The following DACH1 variants were observed in gnomAD, a reference collection of about 807,000 sequenced individuals.
The protein encoded by DACH1 is dachshund homolog 1.
DACH1 carries 12 observed loss-of-function variants against 54.2 expected under a neutral mutation model. The observed-to-expected ratio is 0.22, with a 90% CI of 0.14 to 0.36. The LOEUF (loss-of-function observed/expected upper bound fraction) is 0.36. Among genes scored for constraint, DACH1 ranks in the 10% least tolerant of loss-of-function variants. The pLI is 1.00. For missense variants in DACH1, 805 were observed against 929.8 expected, an observed-to-expected ratio of 0.87 and a Z score of 1.75; for synonymous variants, 386 against 366.2, an observed-to-expected ratio of 1.05 and a Z score of -0.62.
intron 1 of DACH1, among the ~76,000 whole-genome samples, chr13:71,687,256 A>C (rs1881219192): frequency 6.6e-6 from 1 of 152,124 alleles, no homozygotes. Flanking sequence ...TACACATATA[A>C]ATAATTTATT....
chr13:71,601,948 T>C (rs1222724027), intron 3 of DACH1, among the ~76,000 whole-genome samples: 1 of 151,984 alleles, frequency 6.6e-6, no homozygotes, highest in Non-Finnish European at 1.5e-5. Context: ...ATGAGTGAGC[T>C]AGATATTTTC....
chr13:71,573,618 A>T, intron 3 of DACH1: 1 of 453,172 alleles, frequency 2.2e-6, no homozygotes. Context: ...TATTATTCCA[A>T]ATCTTCCAAT....
intron 10 of DACH1, among the ~76,000 whole-genome samples, chr13:71,448,461 G>A (rs756316632): frequency 2.6e-5 from 4 of 152,174 alleles, no homozygotes; most frequent in Non-Finnish European, 5.9e-5. Context: ...AGGAACAGAT[G>A]GGAAGGATCT....
chr13:71,741,276 G>T (rs1884369757), intron 1 of DACH1, among the ~76,000 whole-genome samples: 1 of 152,052 alleles, frequency 6.6e-6, no homozygotes, highest in African/African-American at 2.4e-5. Flanking sequence ...TTTTAATTTT[G>T]ATTATTGGGA....
At chr13:71,533,351 A>G (rs961530304) in intron 6 of DACH1, among the ~76,000 whole-genome samples, 2 of 151,962 alleles carry the variant, frequency 1.3e-5, no homozygotes, top group Non-Finnish European at 2.9e-5. Flanking sequence ...CAATCTAAAG[A>G]TCAGCATGAG....
At chr13:71,493,893 G>A (rs1879197603) in intron 6 of DACH1, among the ~76,000 whole-genome samples, 1 of 152,092 alleles carries the variant, frequency 6.6e-6, no homozygotes, top group Non-Finnish European at 1.5e-5. Flanking sequence ...GAAAAAGAAT[G>A]AGTCATACAA....
At chr13:71,584,715 T>G (rs1338614359) in intron 3 of DACH1, among the ~76,000 whole-genome samples, 2 of 152,050 alleles carry the variant, frequency 1.3e-5, no homozygotes, top group Admixed American at 6.6e-5. Flanking sequence ...TTTATTCAGG[T>G]TAATATTAAT....
intron 2 of DACH1, among the ~76,000 whole-genome samples, chr13:71,636,457 C>G (rs1277904145): frequency 6.6e-6 from 1 of 151,710 alleles, no homozygotes; most frequent in Non-Finnish European, 1.5e-5. Context: ...CTTTGATTAG[C>G]TAGAGATGCT....
intron 1 of DACH1, among the ~76,000 whole-genome samples, chr13:71,824,482 T>C (rs1481844276): frequency 1.3e-5 from 2 of 152,068 alleles, no homozygotes; most frequent in Non-Finnish European, 2.9e-5. Flanking sequence ...CAGAGTAATA[T>C]GCATGAGTAA....
At chr13:71,824,735 T>G (rs1441170046) in intron 1 of DACH1, among the ~76,000 whole-genome samples, 2 of 152,050 alleles carry the variant, frequency 1.3e-5, no homozygotes, top group Non-Finnish European at 2.9e-5. Context: ...TTCTCACTCC[T>G]TACTACTCTC....
At chr13:71,855,312 T>A (rs1318420431) in intron 1 of DACH1, among the ~76,000 whole-genome samples, 2 of 152,068 alleles carry the variant, frequency 1.3e-5, no homozygotes, top group Non-Finnish European at 2.9e-5. Flanking sequence ...CCATCATAAT[T>A]GTGACAGCAT....
At chr13:71,630,126 G>A (rs1050737489) in intron 3 of DACH1, among the ~76,000 whole-genome samples, 1 of 152,010 alleles carries the variant, frequency 6.6e-6, no homozygotes, top group Admixed American at 6.6e-5. Context: ...CATATGAAAG[G>A]GCTAAGTTTA....
At chr13:71,659,021 T>TA (rs1879323545) in intron 2 of DACH1, among the ~76,000 whole-genome samples, 1 of 152,144 alleles carries the variant, frequency 6.6e-6, no homozygotes, top group Non-Finnish European at 1.5e-5. Flanking sequence ...CCTCTGAGGC[T>TA]AAAAGAAATG....
At chr13:71,679,138 G>T (rs1038681807) in intron 2 of DACH1, among the ~76,000 whole-genome samples, 2 of 152,136 alleles carry the variant, frequency 1.3e-5, no homozygotes, top group African/African-American at 4.8e-5. Context: ...AAGGCACAGT[G>T]ATTGAAATAC....
chr13:71,830,244 T>C lies in DACH1; in HGVS notation c.848+35678A>G, dbSNP rs181583084. Among the ~76,000 whole-genome samples, 1,074 of 151,980 alleles carry C rather than the reference T, an allele frequency of 7.1e-3. 9 individuals are homozygous for C. The highest frequency in any genetic ancestry group is 0.012 in the Admixed American group (180 of 15,200). On this transcript the variant is annotated intron_variant, in intron 1 of 10. Transcript: ENST00000613252. ...ATTTATATAGGCAAAATTCTTATGATAGCCAATAGGAAACAGAATCAAGTT... is the reference window on the plus strand; with the variant it reads ...ATTTATATAGGCAAAATTCTTATGACAGCCAATAGGAAACAGAATCAAGTT...
intron 1 of DACH1, among the ~76,000 whole-genome samples, chr13:71,722,879 A>G (rs763242737): frequency 3.6e-4 from 54 of 152,068 alleles, no homozygotes; most frequent in Non-Finnish European, 6.5e-4. Context: ...GTAGCTAAAG[A>G]GAGGAGGAGG....
At chr13:71,778,146 A>G (rs1340263856) in intron 1 of DACH1, among the ~76,000 whole-genome samples, 1 of 151,510 alleles carries the variant, frequency 6.6e-6, no homozygotes, top group Admixed American at 6.6e-5. Flanking sequence ...AAATAAAACT[A>G]TAAAACTTCA....
intron 2 of DACH1, chr13:71,675,009 C>T (rs965857245): frequency 7.4e-6 from 5 of 672,170 alleles, no homozygotes; most frequent in South Asian, 5.0e-5. Flanking sequence ...CGCCGCCTCT[C>T]GCTCGCCGAG....
chr13:71,618,143 A>G (rs1479760223), intron 3 of DACH1, among the ~76,000 whole-genome samples: 3 of 152,118 alleles, frequency 2.0e-5, no homozygotes, highest in African/African-American at 7.2e-5. Flanking sequence ...AAATATAAAG[A>G]TATACCCCTT....
Sources: allele counts gnomAD v4.1 joint callset (sites outside exome capture counted in the v4.1 genomes callset), GRCh38; gene constraint gnomAD v4.1.1; transcripts MANE v1.5; gene names NCBI Gene and HGNC (gene_info 2026-07-23, HGNC 2026-07-21).